The following QKI variants were observed in gnomAD, a reference collection of about 807,000 sequenced individuals.
QKI encodes the protein QKI, KH domain containing RNA binding.
QKI carries 10 observed loss-of-function variants against 39.0 expected under a neutral mutation model. The ratio of observed to expected loss-of-function variants is 0.26; its 90% CI spans 0.16 to 0.43. The LOEUF is 0.43. Ranked by LOEUF, QKI falls within the 20% of genes least tolerant of loss-of-function variation. QKI has a pLI of 1.00. For missense variants in QKI, 218 were observed against 428.0 expected, an observed-to-expected ratio of 0.51 and a Z score of 4.33; for synonymous variants, 204 against 155.4, an observed-to-expected ratio of 1.31 and a Z score of -2.33.
rs1218085258 is a variant in QKI, at chr6:163,574,745, C to CT, written c.*4041dup. On this transcript the variant is annotated 3_prime_UTR_variant, in exon 8 of 8. Transcript: ENST00000361752. Reference sequence around the variant, plus strand: ...TTTTTATTTCACAGATTGATACTTGCTTTTTTCTGTGAAACAGTTCTCCTA... The same window carrying CT: ...TTTTTATTTCACAGATTGATACTTGCTTTTTTTCTGTGAAACAGTTCTCCTA... The CT allele has an allele frequency of 6.6e-6, 1 of 151,624 alleles. No individual in the cohort carries two copies. Among genetic ancestry groups the CT allele is most frequent in the Non-Finnish European group, 1.5e-5 (1 of 67,924 alleles). 9.4% of individuals were successfully genotyped at this position (151,624 alleles called of 1,614,324 possible). A position where few individuals can be genotyped will look rare whatever the true frequency, so the allele number is the denominator to read the frequency against.
chr6:163,449,304 A>G (rs188290144), intron 1 of QKI, among the ~76,000 whole-genome samples: 166 of 152,326 alleles, frequency 1.1e-3, no homozygotes, highest in Admixed American at 0.011. Context: ...AAGATTTTCC[A>G]TAAGTTAATG....
intron 3 of QKI, among the ~76,000 whole-genome samples, chr6:163,515,033 A>G (rs1779705693): frequency 1.3e-5 from 2 of 152,218 alleles, no homozygotes; most frequent in African/African-American, 4.8e-5. Flanking sequence ...AATTCATTCA[A>G]AAACAATTTT....
intron 3 of QKI, among the ~76,000 whole-genome samples, chr6:163,528,533 C>G (rs921157775): frequency 6.6e-6 from 1 of 152,246 alleles, no homozygotes; most frequent in South Asian, 2.1e-4. Flanking sequence ...GTTCATGTAA[C>G]TTATGAGGAT....
chr6:163,434,142 T>C (rs1398918701), intron 1 of QKI, among the ~76,000 whole-genome samples: 3 of 152,128 alleles, frequency 2.0e-5, no homozygotes, highest in Non-Finnish European at 4.4e-5. Flanking sequence ...CATAGTCTAG[T>C]GCTCAAGGAG....
intron 4 of QKI, among the ~76,000 whole-genome samples, chr6:163,543,713 T>A (rs1460996761): frequency 6.6e-6 from 1 of 152,048 alleles, no homozygotes; most frequent in Non-Finnish European, 1.5e-5. Context: ...CTTCTTAAAT[T>A]CTTAATGAGA....
intron 1 of QKI, among the ~76,000 whole-genome samples, chr6:163,432,055 C>T (rs1788876095): frequency 6.6e-6 from 1 of 152,052 alleles, no homozygotes; most frequent in Admixed American, 6.6e-5. Flanking sequence ...TACCTTTGGG[C>T]CTGATCCCCT....
At chr6:163,563,327 G>C in intron 5 of QKI, 93 bp from the exon 6 acceptor site, 2 of 1,203,794 alleles carry the variant, frequency 1.7e-6, no homozygotes, top group Non-Finnish European at 2.3e-6. Context: ...CTTCTTTCCT[G>C]CTTTTCCTTT....
intron 1 of QKI, among the ~76,000 whole-genome samples, chr6:163,428,466 C>G (rs540930730): frequency 6.6e-5 from 10 of 152,168 alleles, no homozygotes; most frequent in Admixed American, 6.5e-4. Context: ...TCATAGTTTA[C>G]TATATGTTAT....
At chr6:163,566,863 C>T in intron 7 of QKI, 68 bp downstream of exon 7, 1 of 1,572,306 alleles carries the variant, frequency 6.4e-7, no homozygotes, top group East Asian at 2.3e-5. Context: ...TGCAACACCA[C>T]ACCTGATGGA....
intron 4 of QKI, among the ~76,000 whole-genome samples, chr6:163,545,991 T>TA (rs1781844055): frequency 6.7e-6 from 1 of 148,732 alleles, no homozygotes; most frequent in African/African-American, 2.4e-5. Flanking sequence ...AATATTAATG[T>TA]AAACTATTTT....
chr6:163,501,041 A>G (rs577909008), intron 3 of QKI, among the ~76,000 whole-genome samples: 5 of 152,208 alleles, frequency 3.3e-5, no homozygotes, highest in Non-Finnish European at 7.3e-5. Flanking sequence ...AATATTTAGT[A>G]ATACTTGGCA....
At chr6:163,473,968 G>A (rs1266145276) in intron 2 of QKI, among the ~76,000 whole-genome samples, 1 of 152,018 alleles carries the variant, frequency 6.6e-6, no homozygotes, top group African/African-American at 2.4e-5. Flanking sequence ...TGCTCAAGTT[G>A]ATTTTGCATT....
In QKI at chr6:163,577,413, T is replaced by G. The variant is rs1486619053; in HGVS notation, c.*6703T>G. ...CACTAGACTTAAAAAAAAAAAAGTCTGATTGCCCATATTAGATTTTTTTTT... is the reference window on the plus strand; with the variant it reads ...CACTAGACTTAAAAAAAAAAAAGTCGGATTGCCCATATTAGATTTTTTTTT... On this transcript the variant is annotated 3_prime_UTR_variant, in exon 8 of 8. Transcript: ENST00000361752. 6.6e-6 allele frequency: 1 copy of G among 151,782 alleles called. No individual in the cohort carries two copies. Among genetic ancestry groups the G allele is most frequent in the Non-Finnish European group, 1.5e-5 (1 of 67,962 alleles). 9.4% of individuals were successfully genotyped at this position (151,782 alleles called of 1,614,324 possible). A position where few individuals can be genotyped will look rare whatever the true frequency, so the allele number is the denominator to read the frequency against.
chr6:163,465,711 A>G (rs1200650140), intron 2 of QKI, among the ~76,000 whole-genome samples: 1 of 152,008 alleles, frequency 6.6e-6, no homozygotes, highest in African/African-American at 2.4e-5. Context: ...ATAATCTTGT[A>G]TGTAGAAAAA....
intron 6 of QKI, chr6:163,565,691 G>GC (rs1783321367): frequency 9.6e-6 from 11 of 1,141,280 alleles, no homozygotes; most frequent in Non-Finnish European, 1.2e-5. Flanking sequence ...TTCTTGCTTT[G>GC]CCACCTAAGC....
intron 4 of QKI, among the ~76,000 whole-genome samples, chr6:163,561,137 T>C (rs1316214042): frequency 6.6e-6 from 1 of 152,180 alleles, no homozygotes. Flanking sequence ...TACGGTTTTT[T>C]AGAAGTTATT....
chr6:163,565,141 T>C, intron 6 of QKI: 2 of 997,338 alleles, frequency 2.0e-6, no homozygotes, highest in South Asian at 9.0e-5. Context: ...ACCACAGAAC[T>C]GTTTATGAGA....
intron 4 of QKI, among the ~76,000 whole-genome samples, chr6:163,546,013 A>G (rs1781845993): frequency 6.8e-6 from 1 of 148,104 alleles, no homozygotes; most frequent in Non-Finnish European, 1.5e-5. Flanking sequence ...TAATTGGTAT[A>G]AATATATAAT....
At chr6:163,473,599 A>G (rs1026908458) in intron 2 of QKI, among the ~76,000 whole-genome samples, 1 of 152,196 alleles carries the variant, frequency 6.6e-6, no homozygotes, top group African/African-American at 2.4e-5. Flanking sequence ...TAAATTAGGC[A>G]TCTATTTTAA....
Sources: allele counts gnomAD v4.1 joint callset (sites outside exome capture counted in the v4.1 genomes callset), GRCh38; gene constraint gnomAD v4.1.1; transcripts MANE v1.5; gene names NCBI Gene and HGNC (gene_info 2026-07-23, HGNC 2026-07-21).